The following NRF1 variants were observed in gnomAD, a reference collection of about 807,000 sequenced individuals.
NRF1 encodes alpha palindromic-binding protein.
Under a neutral mutation model 58.5 loss-of-function variants are expected in NRF1, and 5 were observed. That is an observed-to-expected ratio of 0.09 (90% CI 0.04 to 0.18). The LOEUF (loss-of-function observed/expected upper bound fraction) is 0.18, where lower values mean the gene tolerates loss of function less well. Among genes scored for constraint, NRF1 ranks in the 10% least tolerant of loss-of-function variants. NRF1 has a pLI of 1.00. For synonymous variants in NRF1, 224 were observed against 246.7 expected (o/e 0.91, Z 0.86); for missense variants, 288 against 657.7 (o/e 0.44, Z 6.15).
At chr7:129,751,962 C>G (rs1335568376) in intron 10 of NRF1, among the ~76,000 whole-genome samples, 2 of 152,188 alleles carry the variant, frequency 1.3e-5, no homozygotes, top group South Asian at 2.1e-4. Flanking sequence ...AGTCTAGAGG[C>G]TGGGGAGAGG....
chr7:129,731,273 A>G lies in NRF1; in HGVS notation c.1348+3908A>G, dbSNP rs1396436685. ...GCGACAGAGCAAGACTCCGTCTTGA[A>G]AAAAAAAAAAAAAAAGGTAATGACC... On this transcript the variant is annotated intron_variant, in intron 10 of 10. Transcript: ENST00000393232. Among the ~76,000 whole-genome samples, 11 of 40,760 alleles carry G rather than the reference A, an allele frequency of 2.7e-4. No homozygotes were observed. The East Asian group carries it at 6.2e-3, about 23-fold the overall frequency. The allele number at this position is 40,760 out of a possible 152,430, so 26.7% of individuals were successfully genotyped here.
rs1235549796 is a variant in NRF1, at chr7:129,627,924, T to G, written c.-7+16100T>G. 3.9e-5 allele frequency among the ~76,000 whole-genome samples: 6 copies of G among 152,244 alleles called. No individual in the cohort carries two copies. The East Asian group carries it at 9.6e-4, about 24-fold the overall frequency. On this transcript the variant is annotated intron_variant, in intron 1 of 10. Transcript: ENST00000393232. ...CCTGGTAAGTAGCATAGGTCTAGTT[T>G]AGGAAGAGCAGGAATGCCCAGGAAT... is the stretch of plus-strand genomic sequence containing the variant.
intron 1 of NRF1, among the ~76,000 whole-genome samples, chr7:129,637,266 AGAAG>A (rs1801187396): frequency 1.3e-5 from 2 of 150,346 alleles, no homozygotes; most frequent in Admixed American, 1.3e-4. Flanking sequence ...AAAAAAAAAA[AGAAG>A]AAGAAGATTC....
At chr7:129,717,551 A>C (rs928933049) in intron 9 of NRF1, among the ~76,000 whole-genome samples, 175 bp downstream of exon 9, 20 of 152,218 alleles carry the variant, frequency 1.3e-4, no homozygotes, top group Admixed American at 1.3e-3. Context: ...CCTTACCAAG[A>C]AAAATTAAAC....
At chr7:129,662,901 C>T (rs905674682) in intron 2 of NRF1, among the ~76,000 whole-genome samples, 1 of 152,068 alleles carries the variant, frequency 6.6e-6, no homozygotes, top group Admixed American at 6.5e-5. Context: ...GAGGTCCCTG[C>T]GGCCTTCGGC....
At chr7:129,654,090 G>A (rs1047781561) in intron 1 of NRF1, among the ~76,000 whole-genome samples, 2 of 152,176 alleles carry the variant, frequency 1.3e-5, no homozygotes, top group African/African-American at 4.8e-5. Context: ...ATTCCCACCA[G>A]CAGTGAAATA....
intron 10 of NRF1, among the ~76,000 whole-genome samples, chr7:129,743,620 G>T (rs1803900538): frequency 6.6e-6 from 1 of 152,168 alleles, no homozygotes; most frequent in Non-Finnish European, 1.5e-5. Context: ...ATGTAAGCAT[G>T]ATGTTATTTA....
intron 10 of NRF1, among the ~76,000 whole-genome samples, chr7:129,738,415 C>A (rs572092168): frequency 6.6e-6 from 1 of 152,330 alleles, no homozygotes; most frequent in African/African-American, 2.4e-5. Flanking sequence ...TTAGTGTCTT[C>A]CACACGCCCC....
At chr7:129,686,173 C>T (rs1250443355) in intron 4 of NRF1, among the ~76,000 whole-genome samples, 5 of 149,762 alleles carry the variant, frequency 3.3e-5, no homozygotes, top group Admixed American at 6.7e-5. Context: ...AGGTGAGCGA[C>T]GAGGTTGGGC....
chr7:129,695,168 G>T (rs917944566), intron 5 of NRF1, among the ~76,000 whole-genome samples: 4 of 151,994 alleles, frequency 2.6e-5, no homozygotes, highest in Non-Finnish European at 5.9e-5. Flanking sequence ...TCTTTTGGGA[G>T]ATTTAAAAAA....
chr7:129,629,464 G>A lies in NRF1; in HGVS notation c.-7+17640G>A, dbSNP rs775770362. ...CTGAATTTTGTACTTTTAGTGAGAC[G>A]GGGTTTTGCCATGTTGGCCAGGCTG... On this transcript the variant is annotated intron_variant, in intron 1 of 10. Coordinates refer to ENST00000393232, the MANE Select transcript of NRF1 (RefSeq NM_005011.5). Among the ~76,000 whole-genome samples, 9 of 152,164 alleles carry A rather than the reference G, an allele frequency of 5.9e-5. No homozygotes were observed. In the South Asian group the frequency reaches 6.2e-4, roughly 11 times the overall value.
intron 4 of NRF1, among the ~76,000 whole-genome samples, chr7:129,689,546 A>G (rs1802515809): frequency 6.6e-6 from 1 of 152,080 alleles, no homozygotes; most frequent in South Asian, 2.1e-4. Flanking sequence ...TTCCTCTCCC[A>G]AGTTCCAGGC....
intron 5 of NRF1, 139 bp downstream of exon 5, chr7:129,690,685 T>A (rs1238540320): frequency 3.5e-6 from 3 of 866,958 alleles, no homozygotes; most frequent in Non-Finnish European, 5.2e-6. Flanking sequence ...AGTGAAACAG[T>A]AGCAGCCTTG....
At chr7:129,712,179 A>G (rs1803088655) in intron 8 of NRF1, among the ~76,000 whole-genome samples, 1 of 152,198 alleles carries the variant, frequency 6.6e-6, no homozygotes, top group South Asian at 2.1e-4. Flanking sequence ...CCGAGACATA[A>G]CAGAGCTTAG....
At chr7:129,689,245 G>A (rs1449252152) in intron 4 of NRF1, among the ~76,000 whole-genome samples, 1 of 152,052 alleles carries the variant, frequency 6.6e-6, no homozygotes, top group Non-Finnish European at 1.5e-5. Context: ...CAGATGCTTG[G>A]GGTAGAGTAT....
rs116373454 is a variant in NRF1, at chr7:129,620,695, A to G, written c.-7+8871A>G. On this transcript the variant is annotated intron_variant, in intron 1 of 10. Coordinates refer to ENST00000393232, the MANE Select transcript of NRF1 (RefSeq NM_005011.5). ...GCCACCGCACTGGGCCCAAATTACT[A>G]TTGTTTTAAAGGGAAAGTGTTTTGA... Among the ~76,000 whole-genome samples, 435 of 152,198 alleles carry G rather than the reference A, an allele frequency of 2.9e-3. 1 individual carries two copies. Among genetic ancestry groups the G allele is most frequent in the African/African-American group, 9.6e-3 (398 of 41,544 alleles).
intron 4 of NRF1, 61 bp from the exon 5 acceptor site, chr7:129,690,345 T>C (rs1002866400): frequency 2.6e-6 from 4 of 1,566,218 alleles, no homozygotes; most frequent in African/African-American, 2.7e-5. Context: ...TCTTGTTGCT[T>C]GGCACCAATC....
intron 9 of NRF1, among the ~76,000 whole-genome samples, chr7:129,723,122 C>CA (rs1803367084): frequency 6.6e-6 from 1 of 151,384 alleles, no homozygotes; most frequent in Non-Finnish European, 1.5e-5. Context: ...GTATCTTTTT[C>CA]TTTTTTTTTC....
At chr7:129,683,288 AGT>A (rs35691853) in intron 4 of NRF1, among the ~76,000 whole-genome samples, 3,073 of 140,118 alleles carry the variant, frequency 0.022, 72 homozygotes, top group African/African-American at 0.062. Flanking sequence ...TCATGTGGAG[AGT>A]GTGTGTGTGT....
Sources: allele counts gnomAD v4.1 joint callset (sites outside exome capture counted in the v4.1 genomes callset), GRCh38; gene constraint gnomAD v4.1.1; transcripts MANE v1.5; gene names NCBI Gene and HGNC (gene_info 2026-07-23, HGNC 2026-07-21).